The following UBR3 variants were observed in gnomAD, a reference collection of about 807,000 sequenced individuals.
The protein encoded by UBR3 is ubiquitin protein ligase E3 component n-recognin 3.
Under a neutral mutation model 243.2 loss-of-function variants are expected in UBR3, and 85 were observed. That is an observed-to-expected ratio of 0.35 (90% confidence interval 0.29 to 0.42). The LOEUF is 0.42. Among genes scored for constraint, UBR3 ranks in the 10% least tolerant of loss-of-function variants. The probability of loss-of-function intolerance (pLI) is 1.00; values close to 1 mark genes in which losing one functional copy is unlikely to be tolerated. For missense variants in UBR3, 1,686 were observed against 2,300.8 expected, an observed-to-expected ratio of 0.73 and a Z score of 5.47; for synonymous variants, 748 against 799.8, an observed-to-expected ratio of 0.94 and a Z score of 1.09.
intron 1 of UBR3, among the ~76,000 whole-genome samples, chr2:169,861,935 T>A (rs940497602): frequency 3.9e-5 from 6 of 152,244 alleles, no homozygotes; most frequent in Non-Finnish European, 7.3e-5. Context: ...TTTGCTGGTT[T>A]ACCCAATTAT....
At chr2:170,040,402 G>A (rs906992832) in intron 31 of UBR3, among the ~76,000 whole-genome samples, 1 of 152,042 alleles carries the variant, frequency 6.6e-6, no homozygotes, top group Non-Finnish European at 1.5e-5. Context: ...CACTGTGCTC[G>A]GCTGAAACAT....
chr2:169,908,655 T>C (rs1021116770), intron 10 of UBR3, among the ~76,000 whole-genome samples: 5 of 152,102 alleles, frequency 3.3e-5, no homozygotes, highest in Admixed American at 1.3e-4. Context: ...CAGGTTGTTA[T>C]GAGGGAGAGT....
chr2:169,842,285 C>T (rs1250790999), intron 1 of UBR3, among the ~76,000 whole-genome samples: 1 of 152,028 alleles, frequency 6.6e-6, no homozygotes, highest in Non-Finnish European at 1.5e-5. Flanking sequence ...CTGTATCTAA[C>T]TAATCTGATG....
intron 24 of UBR3, among the ~76,000 whole-genome samples, chr2:169,985,977 G>A (rs1324622273): frequency 1.3e-5 from 2 of 151,978 alleles, no homozygotes; most frequent in Admixed American, 6.5e-5. Context: ...ACTTATCTTC[G>A]TGAATTTAAG....
intron 30 of UBR3, among the ~76,000 whole-genome samples, chr2:170,023,816 T>G (rs926046119): frequency 6.6e-6 from 1 of 152,152 alleles, no homozygotes; most frequent in African/African-American, 2.4e-5. Context: ...GAACTCGTGA[T>G]CCACCCACCT....
intron 26 of UBR3, among the ~76,000 whole-genome samples, chr2:170,000,184 A>G (rs2105399109): frequency 6.6e-6 from 1 of 152,050 alleles, no homozygotes; most frequent in East Asian, 1.9e-4. Context: ...AAGGATATAT[A>G]GTTTGCTTAT....
At chr2:169,948,755 T>C (rs1416051773) in intron 22 of UBR3, among the ~76,000 whole-genome samples, 1 of 152,046 alleles carries the variant, frequency 6.6e-6, no homozygotes, top group Non-Finnish European at 1.5e-5. Context: ...TCAACTGATA[T>C]TACAGCATCC....
chr2:169,918,518 C>T (rs186079443), intron 11 of UBR3, among the ~76,000 whole-genome samples: 147 of 148,310 alleles, frequency 9.9e-4, no homozygotes, highest in Admixed American at 2.2e-3. Context: ...GACAGGGTCT[C>T]GCCATCTTGC....
At chr2:169,847,983 C>A (rs1410218232) in intron 1 of UBR3, among the ~76,000 whole-genome samples, 2 of 152,158 alleles carry the variant, frequency 1.3e-5, no homozygotes, top group East Asian at 3.8e-4. Flanking sequence ...GTCCTATAAG[C>A]TATAGCAGCA....
chr2:169,857,990 C>T (rs1282276648), intron 1 of UBR3, among the ~76,000 whole-genome samples: 1 of 152,148 alleles, frequency 6.6e-6, no homozygotes, highest in East Asian at 1.9e-4. Context: ...GTGTTATTGT[C>T]AATTAGCTCT....
intron 10 of UBR3, among the ~76,000 whole-genome samples, chr2:169,907,674 A>G (rs1010404403): frequency 1.3e-5 from 2 of 152,134 alleles, no homozygotes; most frequent in South Asian, 2.1e-4. Flanking sequence ...GTTCTCATCA[A>G]TCTACAGGAT....
chr2:169,986,187 GAGAA>G (rs1428479576), intron 24 of UBR3, among the ~76,000 whole-genome samples: 1 of 152,122 alleles, frequency 6.6e-6, no homozygotes, highest in African/African-American at 2.4e-5. Context: ...AATTGAGAGT[GAGAA>G]AGAAATAGTT....
At chr2:169,973,462 A>G (rs1006592898) in intron 24 of UBR3, among the ~76,000 whole-genome samples, 4 of 151,800 alleles carry the variant, frequency 2.6e-5, no homozygotes, top group African/African-American at 9.7e-5. Flanking sequence ...CGCCAAGTCA[A>G]TCCTAAGCCA....
rs1160880306 is a variant in UBR3, at chr2:169,947,414, G to A, written c.2911-128G>A. 12 of 664,126 alleles carry A rather than the reference G, an allele frequency of 1.8e-5. No individual in the cohort carries two copies. The East Asian group carries it at 3.7e-4, about 21-fold the overall frequency. The allele number at this position is 664,126 out of a possible 1,614,324, so 41.1% of individuals were successfully genotyped here. On this transcript the variant is annotated intron_variant, in intron 21 of 38. Transcript: ENST00000272793. Reference sequence around the variant, plus strand: ...TTTAAATTTATTCACTTTATAATTTGTGGATGAGACAATAAGGGATTCAGG... The same window carrying A: ...TTTAAATTTATTCACTTTATAATTTATGGATGAGACAATAAGGGATTCAGG...
At chr2:170,071,124 T>C (rs757831463) in intron 35 of UBR3, among the ~76,000 whole-genome samples, 4 of 152,156 alleles carry the variant, frequency 2.6e-5, no homozygotes, top group Non-Finnish European at 5.9e-5. Context: ...TCATTACTGA[T>C]AGGAATGCAA....
At chr2:169,996,151 C>T (rs1444888938) in intron 26 of UBR3, among the ~76,000 whole-genome samples, 1 of 152,108 alleles carries the variant, frequency 6.6e-6, no homozygotes, top group Non-Finnish European at 1.5e-5. Flanking sequence ...ATGATAAGAG[C>T]CAGAGTAGAG....
intron 5 of UBR3, 63 bp from the exon 6 acceptor site, chr2:169,891,102 A>T: frequency 7.6e-7 from 1 of 1,310,174 alleles, no homozygotes; most frequent in Non-Finnish European, 1.1e-6. Flanking sequence ...TTGTAAGCAC[A>T]TTTATAAAGT....
At chr2:169,845,567 CTTCT>C (rs2082450988) in intron 1 of UBR3, among the ~76,000 whole-genome samples, 1 of 139,548 alleles carries the variant, frequency 7.2e-6, no homozygotes, top group East Asian at 2.3e-4. Context: ...TCTTCTTCTT[CTTCT>C]TTCTTCTTTC....
intron 24 of UBR3, among the ~76,000 whole-genome samples, chr2:169,968,184 T>A (rs2087915457): frequency 6.6e-6 from 1 of 152,222 alleles, no homozygotes; most frequent in African/African-American, 2.4e-5. Context: ...GTCTGTCAGC[T>A]CAAACATTTA....
Sources: allele counts gnomAD v4.1 joint callset (sites outside exome capture counted in the v4.1 genomes callset), GRCh38; gene constraint gnomAD v4.1.1; transcripts MANE v1.5; gene names NCBI Gene and HGNC (gene_info 2026-07-23, HGNC 2026-07-21).